Variants in CYSTM1 observed in about 807,000 individuals in gnomAD.
The protein encoded by CYSTM1 is cysteine rich transmembrane module containing 1.
A neutral mutation model predicts 13.1 loss-of-function variants in CYSTM1; 4 were observed. That is an observed-to-expected ratio of 0.31 (90% CI 0.15 to 0.70). CYSTM1 has a LOEUF of 0.70. Among genes scored for constraint, CYSTM1 ranks in the 30% least tolerant of loss-of-function variants. CYSTM1 has a pLI of 0.72. For synonymous variants in CYSTM1, 36 were observed against 42.7 expected, an observed-to-expected ratio of 0.84 and a Z score of 0.62; for missense variants, 96 against 121.6, an observed-to-expected ratio of 0.79 and a Z score of 0.99.
At chr5:140,203,115 C>CA (rs1184257656) in intron 2 of CYSTM1, 1 of 152,084 alleles carries the variant, frequency 6.6e-6, no homozygotes, top group Non-Finnish European at 1.5e-5. Context: ...GGGTTTTTTC[C>CA]ATGTTACAAT....
At chr5:140,180,535 C>T (rs1763950663) in intron 1 of CYSTM1, among the ~76,000 whole-genome samples, 1 of 152,180 alleles carries the variant, frequency 6.6e-6, no homozygotes, top group Non-Finnish European at 1.5e-5. Flanking sequence ...TAAACTGACC[C>T]TCCCACTTTA....
intron 2 of CYSTM1, among the ~76,000 whole-genome samples, chr5:140,213,013 G>T: frequency 1.1e-5 from 1 of 87,464 alleles, no homozygotes; most frequent in South Asian, 6.5e-4. Flanking sequence ...ATATATATGA[G>T]AGAGAGAGAC....
chr5:140,233,136 A>C (rs1419931557), intron 2 of CYSTM1, among the ~76,000 whole-genome samples: 1 of 152,206 alleles, frequency 6.6e-6, no homozygotes, highest in African/African-American at 2.4e-5. Flanking sequence ...GGCAAAGAGG[A>C]ACCACCCCCT....
At chr5:140,200,725 T>C (rs1764216230) in intron 2 of CYSTM1, 1 of 152,154 alleles carries the variant, frequency 6.6e-6, no homozygotes, top group Non-Finnish European at 1.5e-5. Context: ...CATGCTCAGC[T>C]AATTTTTTTA....
At chr5:140,188,573 C>T (rs1166594786) in intron 1 of CYSTM1, among the ~76,000 whole-genome samples, 1 of 152,060 alleles carries the variant, frequency 6.6e-6, no homozygotes, top group Admixed American at 6.5e-5. Flanking sequence ...GGGCGGATCA[C>T]GAGGTCAGGA....
At chr5:140,210,588 A>C (rs964075657) in intron 2 of CYSTM1, among the ~76,000 whole-genome samples, 3 of 151,118 alleles carry the variant, frequency 2.0e-5, no homozygotes. Flanking sequence ...ACTTTGGCTC[A>C]CTCCAACCTC....
chr5:140,239,720 T>C lies in CYSTM1; in HGVS notation c.188-3585T>C, dbSNP rs756745154. ...CACCCCACACTTGTGTTTGCATCCA[T>C]GTGGCAAAGCTCTGGGTGCCTGCCC... On this transcript the variant is annotated intron_variant, in intron 2 of 2. Coordinates refer to ENST00000261811, the MANE Select transcript of CYSTM1 (RefSeq NM_032412.4). The surrounding 1 kb of genome is among the most constrained non-coding windows in gnomAD (Gnocchi z 5.4). Among the ~76,000 whole-genome samples, 7 of 152,206 alleles carry C rather than the reference T, an allele frequency of 4.6e-5. No homozygotes were observed. Among genetic ancestry groups the C allele is most frequent in the Non-Finnish European group, 1.0e-4 (7 of 68,022 alleles).
intron 2 of CYSTM1, among the ~76,000 whole-genome samples, chr5:140,196,390 C>T (rs551187934): frequency 4.6e-5 from 7 of 152,256 alleles, no homozygotes; most frequent in Admixed American, 2.0e-4. Flanking sequence ...AAAGTAATAA[C>T]AGAATTGATG....
chr5:140,191,986 G>A (rs905435390), intron 1 of CYSTM1, among the ~76,000 whole-genome samples: 1 of 152,172 alleles, frequency 6.6e-6, no homozygotes, highest in Non-Finnish European at 1.5e-5. Flanking sequence ...AGGTCAGGGT[G>A]TGTTGCCAGT....
intron 2 of CYSTM1, among the ~76,000 whole-genome samples, chr5:140,241,348 A>C (rs1056396111): frequency 2.0e-5 from 3 of 152,224 alleles, no homozygotes; most frequent in Admixed American, 6.5e-5. Context: ...CCTGATGCCC[A>C]TGCCCCACAC....
At chr5:140,236,515 C>A (rs114330984) in intron 2 of CYSTM1, among the ~76,000 whole-genome samples, 1 of 152,358 alleles carries the variant, frequency 6.6e-6, no homozygotes, top group Non-Finnish European at 1.5e-5. Flanking sequence ...TATATGATCT[C>A]ACTATTTAAG....
chr5:140,202,733 G>A (rs1477534001), intron 2 of CYSTM1: 1 of 152,220 alleles, frequency 6.6e-6, no homozygotes, highest in African/African-American at 2.4e-5. Context: ...TTTGGCCAGT[G>A]CTTTAGAAGG....
intron 1 of CYSTM1, among the ~76,000 whole-genome samples, chr5:140,178,281 G>C (rs1763916474): frequency 6.6e-6 from 1 of 152,028 alleles, no homozygotes; most frequent in African/African-American, 2.4e-5. Flanking sequence ...TCCTCACAGA[G>C]GTACCAAGGA....
At chr5:140,215,119 CT>C (rs914913264) in intron 2 of CYSTM1, among the ~76,000 whole-genome samples, 1 of 152,164 alleles carries the variant, frequency 6.6e-6, no homozygotes, top group East Asian at 1.9e-4. Flanking sequence ...AAACTGACAG[CT>C]TTTTTTCATT....
chr5:140,240,692 T>C (rs1764737532), intron 2 of CYSTM1, among the ~76,000 whole-genome samples: 1 of 152,032 alleles, frequency 6.6e-6, no homozygotes, highest in African/African-American at 2.4e-5. Context: ...GGAGATGCAG[T>C]ACCCTGAACC....
chr5:140,208,086 CTGAG>C (rs1357284317), intron 2 of CYSTM1, among the ~76,000 whole-genome samples: 1 of 152,190 alleles, frequency 6.6e-6, no homozygotes, highest in African/African-American at 2.4e-5. Context: ...AATCCCACTG[CTGAG>C]TATTTACCCA....
intron 1 of CYSTM1, among the ~76,000 whole-genome samples, chr5:140,176,920 T>C (rs1028545680): frequency 7.9e-5 from 12 of 151,798 alleles, no homozygotes; most frequent in African/African-American, 2.4e-4. Flanking sequence ...ATATAAAAAA[T>C]AAGCCGGGCG....
At chr5:140,227,908 A>T (rs191435589) in intron 2 of CYSTM1, among the ~76,000 whole-genome samples, 2 of 152,276 alleles carry the variant, frequency 1.3e-5, no homozygotes, top group East Asian at 3.9e-4. Context: ...AAGTTCTTGT[A>T]TATTTCAGAA....
At chr5:140,183,883 C>G (rs1044499426) in intron 1 of CYSTM1, among the ~76,000 whole-genome samples, 2 of 152,186 alleles carry the variant, frequency 1.3e-5, no homozygotes, top group Non-Finnish European at 2.9e-5. Flanking sequence ...TGCCCTGAAG[C>G]TAGGTTTTCC....
Sources: allele counts gnomAD v4.1 joint callset (sites outside exome capture counted in the v4.1 genomes callset), GRCh38; gene constraint gnomAD v4.1.1; non-coding constraint Gnocchi (gnomAD v3.1); transcripts MANE v1.5; gene names NCBI Gene and HGNC (gene_info 2026-07-23, HGNC 2026-07-21).